KLF17: variants seen among roughly 807,000 people sequenced by gnomAD.
The protein encoded by KLF17 is KLF transcription factor 17, also known as Krueppel-like factor 17.
Under a neutral mutation model 34.2 loss-of-function variants are expected in KLF17, and 31 were observed. That is an observed-to-expected ratio of 0.91 (90% CI 0.68 to 1.22). The LOEUF is 1.22. KLF17 is among the 50% of genes most tolerant of loss of function. KLF17 has a pLI of 0.00. For missense variants in KLF17, 478 were observed against 505.2 expected, an observed-to-expected ratio of 0.95 and a Z score of 0.52; for synonymous variants, 179 against 186.7, an observed-to-expected ratio of 0.96 and a Z score of 0.34.
Position 44,135,019 on chromosome 1 carries a change from G to T in KLF17, c.*1782G>T, listed in dbSNP as rs571057017. ...ATAATAAATGCACTCATGTTAGGAAGGTCAAAAAAAAGGAAAAAAGAAAAA... is the reference window on the plus strand; with the variant it reads ...ATAATAAATGCACTCATGTTAGGAATGTCAAAAAAAAGGAAAAAAGAAAAA... On this transcript the variant is annotated 3_prime_UTR_variant, in exon 4 of 4. Coordinates refer to ENST00000372299, the MANE Select transcript of KLF17 (RefSeq NM_173484.4). The T allele has an allele frequency of 6.6e-6, 1 of 150,686 alleles. No individual in the cohort carries two copies. The highest frequency in any genetic ancestry group is 2.1e-4 in the South Asian group (1 of 4,788). 9.3% of individuals were successfully genotyped at this position (150,686 alleles called of 1,614,324 possible).
Position 44,118,899 on chromosome 1 carries a change from C to A in KLF17, c.-9C>A. On this transcript the variant is annotated 5_prime_UTR_variant, in exon 1 of 4. Transcript: ENST00000372299. ...CTTCAGTAGAGAGTCTAGACCCCAC[C>A]CAGTCTTCATGTACGGCCGACCGCA... 6.2e-7 allele frequency: 1 copy of A among 1,609,014 alleles called. No homozygotes were observed. Among genetic ancestry groups the A allele is most frequent in the Non-Finnish European group, 8.5e-7 (1 of 1,177,918 alleles).
the KLF17 span, among the ~76,000 whole-genome samples, chr1:44,075,346 C>A: frequency 6.6e-6 from 1 of 152,104 alleles, no homozygotes; most frequent in African/African-American, 2.4e-5. Flanking sequence ...CTAAGGAGGG[C>A]ACACATTTTT....
chr1:44,117,465 ATTTATTTTAT>A (rs972939323), upstream of KLF17: 1 of 63,422 alleles, frequency 1.6e-5, no homozygotes, highest in African/African-American at 5.4e-5. Context: ...ATTTTATTTT[ATTTATTTTAT>A]TTTATTTTAT....
At chr1:44,069,576 CATT>C in the KLF17 span, among the ~76,000 whole-genome samples, 5 of 152,066 alleles carry the variant, frequency 3.3e-5, no homozygotes, top group South Asian at 2.1e-4. The surrounding 1 kb of genome is among the most constrained non-coding windows in gnomAD (Gnocchi z 4.7). Context: ...AGAAATCACT[CATT>C]ATTGCAAGGA....
the KLF17 span, among the ~76,000 whole-genome samples, chr1:44,085,073 G>C: frequency 6.6e-6 from 1 of 151,496 alleles, no homozygotes; most frequent in Admixed American, 6.6e-5. Context: ...TGTTTATTGA[G>C]TGCCTACTAT....
At chr1:44,073,072 G>C in the KLF17 span, among the ~76,000 whole-genome samples, 4 of 152,328 alleles carry the variant, frequency 2.6e-5, no homozygotes, top group Non-Finnish European at 5.9e-5. Context: ...ACATGTTCAA[G>C]AGAGAAAGGA....
the KLF17 span, among the ~76,000 whole-genome samples, chr1:44,095,728 C>A: frequency 6.6e-6 from 1 of 151,740 alleles, no homozygotes; most frequent in East Asian, 1.9e-4. Context: ...GTAGAGAGAT[C>A]TTTCCCTCCT....
At chr1:44,109,924 G>C in the KLF17 span, among the ~76,000 whole-genome samples, 1,620 of 145,822 alleles carry the variant, frequency 0.011, 34 homozygotes, top group African/African-American at 0.039. Flanking sequence ...TTTTTTGCGG[G>C]GGGGACAGAG....
the KLF17 span, among the ~76,000 whole-genome samples, chr1:44,077,157 C>T: frequency 2.0e-5 from 3 of 151,848 alleles, no homozygotes; most frequent in Admixed American, 2.0e-4. Context: ...CCAGCCTGGC[C>T]AACATGGTGA....
At chr1:44,075,950 T>C in the KLF17 span, 2 of 152,258 alleles carry the variant, frequency 1.3e-5, no homozygotes, top group Non-Finnish European at 2.9e-5. Flanking sequence ...CATTTTCAAC[T>C]TTAGCATGCA....
Position 44,130,717 on chromosome 1 carries a change from C to A in KLF17, c.1131C>A (p.Asn377Lys). 6.5e-7 allele frequency: 1 copy of A among 1,543,464 alleles called. No homozygotes were observed. Among genetic ancestry groups the A allele is most frequent in the African/African-American group, 1.3e-5 (1 of 74,366 alleles). Reference sequence around the variant, plus strand: ...CCTCAGACCCACAGGCCAACAACAACAATGGAGAGCAGGACAGTCCTCCTG... The same window carrying A: ...CCTCAGACCCACAGGCCAACAACAAAAATGGAGAGCAGGACAGTCCTCCTG... ...PGPSDPQANN[N>K]NGEQDSPPAA... is the part of the protein sequence containing the mutation. The change falls in exon 3 of 4, where the codon AAC (asparagine) becomes AAA (lysine). Residue 377 changes from asparagine to lysine, a missense_variant. Transcript: ENST00000372299.
At chr1:44,092,379 AG>A in the KLF17 span, among the ~76,000 whole-genome samples, 4 of 152,134 alleles carry the variant, frequency 2.6e-5, no homozygotes, top group African/African-American at 4.8e-5. Context: ...CACTGACAGA[AG>A]GGGACGCCAT....
At chr1:44,055,787 T>C in the KLF17 span, among the ~76,000 whole-genome samples, 1 of 152,130 alleles carries the variant, frequency 6.6e-6, no homozygotes, top group Admixed American at 6.6e-5. Context: ...AATAACAAAG[T>C]TCCTAAAGTC....
At chr1:44,090,060 C>G in the KLF17 span, among the ~76,000 whole-genome samples, 2 of 149,634 alleles carry the variant, frequency 1.3e-5, no homozygotes, top group African/African-American at 4.9e-5. Context: ...TCCCTTGAGC[C>G]TGGGAGATCA....
At chr1:44,125,306 G>A (rs992623788) in intron 1 of KLF17, among the ~76,000 whole-genome samples, 7 of 152,074 alleles carry the variant, frequency 4.6e-5, no homozygotes, top group Non-Finnish European at 1.0e-4. Flanking sequence ...GCCGTATATA[G>A]GATGGTTAAT....
At chr1:44,103,746 A>G in the KLF17 span, 3 of 1,152,602 alleles carry the variant, frequency 2.6e-6, no homozygotes, top group East Asian at 2.4e-5. Flanking sequence ...CTTAACTGCC[A>G]GCTCCTCAGG....
At chr1:44,127,692 T>TTCTTTCTCTTTCTTTC (rs753421834) in intron 1 of KLF17, among the ~76,000 whole-genome samples, 1 of 90,172 alleles carries the variant, frequency 1.1e-5, no homozygotes, top group African/African-American at 5.5e-5. Flanking sequence ...CTTTCTTTCT[T>TTCTTTCTCTTTCTTTC]TTTCTTTCTT....
chr1:44,131,648 G>T (rs1459423152), intron 3 of KLF17, among the ~76,000 whole-genome samples: 1 of 152,176 alleles, frequency 6.6e-6, no homozygotes, highest in African/African-American at 2.4e-5. Context: ...CTGGCATAGG[G>T]CATGGGATCT....
chr1:44,066,808 C>T, the KLF17 span, among the ~76,000 whole-genome samples: 1 of 152,122 alleles, frequency 6.6e-6, no homozygotes, highest in Admixed American at 6.5e-5. Flanking sequence ...CTGTAGTGTA[C>T]TCACACATGG....
Sources: gnomAD v4.1 joint callset for allele counts (sites outside exome capture counted in the v4.1 genomes callset) on GRCh38, gnomAD v4.1.1 for gene constraint, Gnocchi (gnomAD v3.1) non-coding constraint, MANE v1.5 for transcripts, NCBI Gene and HGNC (gene_info 2026-07-23, HGNC 2026-07-21) for gene names.